The following GRID2 variants were observed in gnomAD, a reference collection of about 807,000 sequenced individuals.
GRID2 encodes glutamate receptor ionotropic, delta-2.
Under a neutral mutation model 114.8 loss-of-function variants are expected in GRID2, and 33 were observed. The ratio of observed to expected loss-of-function variants is 0.29; its 90% CI spans 0.22 to 0.38. The LOEUF (loss-of-function observed/expected upper bound fraction) is 0.38, where lower values mean the gene tolerates loss of function less well. Ranked by LOEUF, GRID2 falls within the 10% of genes least tolerant of loss-of-function variation. The pLI, the probability that GRID2 is intolerant of heterozygous loss-of-function variation, is 1.00. For missense variants in GRID2, 1,184 were observed against 1,257.7 expected, an observed-to-expected ratio of 0.94 and a Z score of 0.89; for synonymous variants, 505 against 449.9, an observed-to-expected ratio of 1.12 and a Z score of -1.55.
At chr4:92,637,338 T>C (rs1488535134) in intron 2 of GRID2, among the ~76,000 whole-genome samples, 4 of 152,048 alleles carry the variant, frequency 2.6e-5, no homozygotes. Context: ...GGGAAGAAGT[T>C]ATAAGCAGTA....
intron 12 of GRID2, among the ~76,000 whole-genome samples, chr4:93,493,994 C>T (rs565728989): frequency 1.6e-4 from 25 of 151,782 alleles, no homozygotes; most frequent in Admixed American, 9.9e-4. Flanking sequence ...GATTCCCTCC[C>T]GAAATTTAAA....
chr4:92,353,252 A>G (rs1345495090), intron 1 of GRID2, among the ~76,000 whole-genome samples: 1 of 148,508 alleles, frequency 6.7e-6, no homozygotes, highest in African/African-American at 2.5e-5. Flanking sequence ...TTGCTTTATC[A>G]ATTTTTTTTT....
At chr4:92,776,539 A>G (rs1173756013) in intron 2 of GRID2, among the ~76,000 whole-genome samples, 1 of 152,022 alleles carries the variant, frequency 6.6e-6, no homozygotes, top group Non-Finnish European at 1.5e-5. Flanking sequence ...GGATTACATT[A>G]TTGAGTTGCA....
intron 1 of GRID2, among the ~76,000 whole-genome samples, chr4:92,353,254 T>C (rs892238169): frequency 1.4e-5 from 2 of 145,744 alleles, no homozygotes; most frequent in African/African-American, 5.4e-5. Context: ...GCTTTATCAA[T>C]TTTTTTTTTC....
Position 93,205,454 on chromosome 4 carries a change from A to G in GRID2, c.736-1950A>G, listed in dbSNP as rs962272505. ...TAGTTTGCTGAGAATGATGGTTTCC[A>G]GTTTCATCCATGTCCCTACAAAGGA... On this transcript the variant is annotated intron_variant, in intron 4 of 15. Coordinates refer to ENST00000282020, the MANE Select transcript of GRID2 (RefSeq NM_001510.4). 3.3e-5 allele frequency among the ~76,000 whole-genome samples: 5 copies of G among 152,078 alleles called. No individual in the cohort carries two copies. The East Asian group carries it at 5.8e-4, about 18-fold the overall frequency.
intron 8 of GRID2, among the ~76,000 whole-genome samples, chr4:93,239,233 G>C (rs906359902): frequency 6.9e-6 from 1 of 145,896 alleles, no homozygotes; most frequent in Non-Finnish European, 1.5e-5. Flanking sequence ...CACACATATA[G>C]ATATATTTGG....
intron 2 of GRID2, among the ~76,000 whole-genome samples, chr4:92,768,021 G>A (rs778664074): frequency 6.6e-6 from 1 of 151,544 alleles, no homozygotes; most frequent in Non-Finnish European, 1.5e-5. Flanking sequence ...TGTTATTTGT[G>A]TACTTAAAAA....
intron 1 of GRID2, among the ~76,000 whole-genome samples, chr4:92,471,360 AC>A (rs1270486739): frequency 1.3e-5 from 2 of 152,102 alleles, no homozygotes; most frequent in East Asian, 3.9e-4. Context: ...ACCTTGTACA[AC>A]CCTTTCATTT....
At chr4:93,809,640 G>GA (rs2110374908) in exon 2 of GRID2, 1 of 152,176 alleles carries the variant, frequency 6.6e-6, no homozygotes, top group African/African-American at 2.4e-5. Flanking sequence ...AGATCACAGG[G>GA]AAAAATCGAT....
intron 14 of GRID2, among the ~76,000 whole-genome samples, chr4:93,735,799 T>A (rs1292065760): frequency 6.6e-6 from 1 of 152,080 alleles, no homozygotes; most frequent in African/African-American, 2.4e-5. Flanking sequence ...AAATGTGTTA[T>A]TGTTTTCTCA....
chr4:92,814,613 G>C (rs551453752), intron 2 of GRID2, among the ~76,000 whole-genome samples: 1 of 152,230 alleles, frequency 6.6e-6, no homozygotes, highest in Non-Finnish European at 1.5e-5. Flanking sequence ...CATCTAAGGG[G>C]TGCCATCTTC....
At chr4:93,634,122 G>C (rs1721197081) in intron 14 of GRID2, among the ~76,000 whole-genome samples, 1 of 152,074 alleles carries the variant, frequency 6.6e-6, no homozygotes, top group Admixed American at 6.6e-5. Context: ...TAAACATTAA[G>C]CAATATCAAA....
intron 8 of GRID2, among the ~76,000 whole-genome samples, chr4:93,290,023 T>G (rs1468085421): frequency 6.6e-6 from 1 of 152,166 alleles, no homozygotes; most frequent in Non-Finnish European, 1.5e-5. Flanking sequence ...TTAAAGTGCT[T>G]AGAGACACAA....
chr4:92,345,062 A>G (rs910388002), intron 1 of GRID2, among the ~76,000 whole-genome samples: 7 of 152,174 alleles, frequency 4.6e-5, no homozygotes, highest in Admixed American at 3.9e-4. Flanking sequence ...CCTGAGTCCC[A>G]AAGTCCATTA....
chr4:93,366,694 G>A (rs796795831), intron 8 of GRID2, among the ~76,000 whole-genome samples: 33 of 152,050 alleles, frequency 2.2e-4, no homozygotes, highest in African/African-American at 8.0e-4. Context: ...GGCTTGTGGG[G>A]CATCATAGAA....
intron 14 of GRID2, among the ~76,000 whole-genome samples, chr4:93,699,541 G>C (rs891224578): frequency 6.6e-6 from 1 of 152,004 alleles, no homozygotes; most frequent in African/African-American, 2.4e-5. Flanking sequence ...AAGAATCTGA[G>C]GTTCAAAATA....
intron 1 of GRID2, among the ~76,000 whole-genome samples, chr4:92,482,505 C>A (rs2149106106): frequency 6.6e-6 from 1 of 152,276 alleles, no homozygotes; most frequent in East Asian, 1.9e-4. Flanking sequence ...TGCACCTTCT[C>A]CTTCTGGTTG....
At chr4:93,543,072 C>T (rs866551101) in intron 13 of GRID2, among the ~76,000 whole-genome samples, 2 of 152,250 alleles carry the variant, frequency 1.3e-5, no homozygotes, top group African/African-American at 2.4e-5. Context: ...GTCACTGATT[C>T]GCACTGCATC....
intron 10 of GRID2, among the ~76,000 whole-genome samples, chr4:93,438,903 A>C (rs1020041779): frequency 6.6e-6 from 1 of 151,490 alleles, no homozygotes; most frequent in East Asian, 2.0e-4. Flanking sequence ...TCATTGTTCA[A>C]TTCCCACCTA....
Sources: gnomAD v4.1 joint callset for allele counts (sites outside exome capture counted in the v4.1 genomes callset) on GRCh38, gnomAD v4.1.1 for gene constraint, MANE v1.5 for transcripts, NCBI Gene and HGNC (gene_info 2026-07-23, HGNC 2026-07-21) for gene names.